The following UHMK1 variants were observed in gnomAD, a reference collection of about 807,000 sequenced individuals.
UHMK1 encodes serine/threonine-protein kinase Kist.
A neutral mutation model predicts 44.0 loss-of-function variants in UHMK1; 18 were observed. The observed-to-expected ratio is 0.41, with a 90% CI of 0.28 to 0.61. The LOEUF (loss-of-function observed/expected upper bound fraction) is 0.61. Among genes scored for constraint, UHMK1 ranks in the 20% least tolerant of loss-of-function variants. UHMK1 has a pLI of 0.31. For synonymous variants in UHMK1, 231 were observed against 198.5 expected (o/e 1.16, Z -1.38); for missense variants, 463 against 522.5 (o/e 0.89, Z 1.11).
intron 7 of UHMK1, among the ~76,000 whole-genome samples, chr1:162,521,067 C>T (rs879637176): frequency 1.3e-5 from 2 of 152,108 alleles, no homozygotes; most frequent in Non-Finnish European, 2.9e-5. Context: ...TTTAATCTAT[C>T]TAGGCTTTTG....
intron 1 of UHMK1, among the ~76,000 whole-genome samples, chr1:162,498,751 T>C (rs541418072): frequency 1.3e-5 from 2 of 152,292 alleles, no homozygotes; most frequent in East Asian, 3.9e-4. Context: ...TTTATAGAAG[T>C]GTGAAATTTA....
chr1:162,525,654 T>C lies in UHMK1; in HGVS notation c.*3104T>C, dbSNP rs2101689935. ...GTACTGACTGCCTTTTAAAGGAATTTTTAAAACTATTCTCTTGCAATAAGA... is the reference window on the plus strand; with the variant it reads ...GTACTGACTGCCTTTTAAAGGAATTCTTAAAACTATTCTCTTGCAATAAGA... On this transcript the variant is annotated 3_prime_UTR_variant, in exon 8 of 8. Transcript: ENST00000489294. The C allele has an allele frequency of 6.6e-6, 1 of 152,308 alleles. No individual in the cohort carries two copies. Among genetic ancestry groups the C allele is most frequent in the South Asian group, 2.1e-4 (1 of 4,828 alleles). The allele number at this position is 152,308 out of a possible 1,614,324, so 9.4% of individuals were successfully genotyped here.
chr1:162,500,964 C>T lies in UHMK1; in HGVS notation c.613C>T (p.Gln205Ter). 6.2e-7 allele frequency: 1 copy of T among 1,614,026 alleles called. No homozygotes were observed. Among genetic ancestry groups the T allele is most frequent in the South Asian group, 1.1e-5 (1 of 91,052 alleles). The change falls in exon 3 of 8, where the codon CAA (glutamine) becomes TAA (stop). Residue 205 changes from glutamine to a stop codon, truncating the protein, a stop_gained. Transcript: ENST00000489294. LOFTEE classifies it high-confidence loss of function. ...DGYRAPEAEL[Q>*]NCLAQAGLQS... ...GTATCGGGCTCCAGAAGCAGAATTG[C>T]AAAATTGCTTGGCCCAGGCTGGCCT...
At chr1:162,507,058 A>C (rs1227640554) in intron 4 of UHMK1, among the ~76,000 whole-genome samples, 1 of 150,902 alleles carries the variant, frequency 6.6e-6, no homozygotes, top group Non-Finnish European at 1.5e-5. Flanking sequence ...TTTCACTTTC[A>C]TGTCCTCCTC....
In UHMK1 at chr1:162,497,846, G is replaced by A. The variant is rs1265391951; in HGVS notation, c.-155G>A. ...ACTCGGGTGCACCACGGCTTCCGGT[G>A]TCATGGCTGCTTGAAGTCCCGGGAG... On this transcript the variant is annotated 5_prime_UTR_variant, in exon 1 of 8. Transcript: ENST00000489294. The A allele has an allele frequency of 1.0e-5, 14 of 1,370,364 alleles. 1 individual carries two copies. The East Asian group carries it at 3.2e-4, about 32-fold the overall frequency. The allele number at this position is 1,370,364 out of a possible 1,614,324, so 84.9% of individuals were successfully genotyped here. A position where few individuals can be genotyped will look rare whatever the true frequency, so the allele number is the denominator to read the frequency against.
At position 162,501,113 on chromosome 1, in the gene UHMK1, C is replaced by T. The variant is rs369682113; in HGVS notation, c.753+9C>T. 7.4e-6 allele frequency: 12 copies of T among 1,613,080 alleles called. No individual in the cohort carries two copies. The highest frequency in any genetic ancestry group is 1.0e-5 in the Non-Finnish European group (12 of 1,179,582). ...GATCTCAGGAATGGAAGGTAAACTT[C>T]ACCAGTGCTTTGCTTTGGGGTCCTT... is the stretch of plus-strand genomic sequence containing the variant. On this transcript the variant is annotated intron_variant, in intron 3 of 7. Coordinates refer to ENST00000489294, the MANE Select transcript of UHMK1 (RefSeq NM_175866.5).
chr1:162,509,349 A>C (rs1209861147), intron 4 of UHMK1, among the ~76,000 whole-genome samples: 1 of 152,156 alleles, frequency 6.6e-6, no homozygotes, highest in Non-Finnish European at 1.5e-5. Flanking sequence ...CACTGAAAGA[A>C]AGCTTTGGCT....
At position 162,527,927 on chromosome 1, in the gene UHMK1, G is replaced by T. The variant is rs1299274904; in HGVS notation, c.*5377G>T. 1.3e-5 allele frequency: 2 copies of T among 151,538 alleles called. No homozygotes were observed. Among genetic ancestry groups the T allele is most frequent in the Non-Finnish European group, 2.9e-5 (2 of 67,816 alleles). The allele number at this position is 151,538 out of a possible 1,614,324, so 9.4% of individuals were successfully genotyped here. A position where few individuals can be genotyped will look rare whatever the true frequency, so the allele number is the denominator to read the frequency against. Reference sequence around the variant, plus strand: ...TGGGGGAAAAAAACTGGAATTGTTTGTATTTTGTTTTTTTGGGGGGGGATC... The same window carrying T: ...TGGGGGAAAAAAACTGGAATTGTTTTTATTTTGTTTTTTTGGGGGGGGATC... On this transcript the variant is annotated 3_prime_UTR_variant, in exon 8 of 8. Coordinates refer to ENST00000489294, the MANE Select transcript of UHMK1 (RefSeq NM_175866.5).
intron 4 of UHMK1, among the ~76,000 whole-genome samples, chr1:162,504,867 C>G (rs1482905243): frequency 6.6e-6 from 1 of 152,154 alleles, no homozygotes; most frequent in Non-Finnish European, 1.5e-5. Flanking sequence ...CTCTGCCTCC[C>G]AGATTCAAGC....
chr1:162,504,101 C>G (rs1408539517), intron 4 of UHMK1, among the ~76,000 whole-genome samples: 1 of 152,084 alleles, frequency 6.6e-6, no homozygotes, highest in African/African-American at 2.4e-5. Context: ...CCTGGCAGTT[C>G]TGGATACTTG....
At chr1:162,508,712 AAAG>A (rs1402159124) in intron 4 of UHMK1, among the ~76,000 whole-genome samples, 1 of 152,024 alleles carries the variant, frequency 6.6e-6, no homozygotes, top group Non-Finnish European at 1.5e-5. Context: ...CAAAAAAAAA[AAAG>A]TAGATTATAA....
intron 3 of UHMK1, among the ~76,000 whole-genome samples, chr1:162,502,292 G>T (rs1490518959): frequency 1.3e-5 from 2 of 152,158 alleles, no homozygotes; most frequent in East Asian, 3.8e-4. Flanking sequence ...AATACATACT[G>T]TATAGCTATT....
chr1:162,506,270 A>G (rs913061470), intron 4 of UHMK1, among the ~76,000 whole-genome samples: 28 of 137,662 alleles, frequency 2.0e-4, no homozygotes, highest in Non-Finnish European at 1.1e-4. Flanking sequence ...TTTGGAAACT[A>G]TAGAAAGTCA....
At position 162,523,159 on chromosome 1, in the gene UHMK1, A is replaced by G. The variant is rs796848158; in HGVS notation, c.*609A>G. On this transcript the variant is annotated 3_prime_UTR_variant, in exon 8 of 8. Transcript: ENST00000489294. ...TTTTAAATTAAGGCTTTTAAAATAG[A>G]AAGCTGATGCTTGATCTTGCACAAT... is the stretch of plus-strand genomic sequence containing the variant. 5.9e-5 allele frequency: 9 copies of G among 152,822 alleles called. No homozygotes were observed. The highest frequency in any genetic ancestry group is 2.2e-4 in the African/African-American group (9 of 41,570). The allele number at this position is 152,822 out of a possible 1,614,324, so 9.5% of individuals were successfully genotyped here.
At chr1:162,520,216 G>A (rs1200091646) in intron 7 of UHMK1, among the ~76,000 whole-genome samples, 1 of 152,172 alleles carries the variant, frequency 6.6e-6, no homozygotes. Flanking sequence ...TAATAGCTTA[G>A]TATTATGAAC....
In UHMK1 at chr1:162,506,027, C is replaced by T. The variant is rs752772770; in HGVS notation, c.848+2179C>T. ...ATTTATTCCTATTTCACCAGTTTTA[C>T]GCATACTTACTTGTGTGTGTTTTTC... is the stretch of plus-strand genomic sequence containing the variant. On this transcript the variant is annotated intron_variant, in intron 4 of 7. Transcript: ENST00000489294. 1.6e-4 allele frequency among the ~76,000 whole-genome samples: 24 copies of T among 152,182 alleles called. 1 individual carries two copies. Among genetic ancestry groups the T allele is most frequent in the Middle Eastern group, 6.8e-3 (2 of 294 alleles).
intron 6 of UHMK1, among the ~76,000 whole-genome samples, chr1:162,514,548 T>C (rs1571014979): frequency 1.3e-5 from 2 of 152,348 alleles, no homozygotes; most frequent in African/African-American, 4.8e-5. Context: ...TTGTTTTGTT[T>C]ATTGCTATAT....
chr1:162,507,122 T>C (rs941612284), intron 4 of UHMK1, among the ~76,000 whole-genome samples: 3 of 151,944 alleles, frequency 2.0e-5, no homozygotes, highest in South Asian at 2.1e-4. Flanking sequence ...CATTTTTTCC[T>C]TTCTTTTTTT....
upstream of UHMK1, chr1:162,497,771 C>CG (rs1651100954): frequency 2.3e-6 from 3 of 1,310,200 alleles, no homozygotes; most frequent in South Asian, 2.2e-5. Context: ...TCTGAGCCCC[C>CG]CCTCCTTCGG....
Sources: gnomAD v4.1 joint callset for allele counts (sites outside exome capture counted in the v4.1 genomes callset) on GRCh38, gnomAD v4.1.1 for gene constraint, MANE v1.5 for transcripts, NCBI Gene and HGNC (gene_info 2026-07-23, HGNC 2026-07-21) for gene names.